PUDP: variants seen among roughly 807,000 people sequenced by gnomAD.
The protein encoded by PUDP is pseudouridine-5'-phosphatase.
In PUDP, 8 loss-of-function variants were observed where a neutral mutation model predicts 9.4. That is an observed-to-expected ratio of 0.85 (90% CI 0.50 to 1.53). The LOEUF (loss-of-function observed/expected upper bound fraction) is 1.53, where lower values mean the gene tolerates loss of function less well. PUDP is among the 40% of genes most tolerant of loss of function. The pLI, the probability that PUDP is intolerant of heterozygous loss-of-function variation, is 0.00. For missense variants in PUDP, 188 were observed against 189.7 expected (o/e 0.99, Z 0.05); for synonymous variants, 99 against 80.7 (o/e 1.23, Z -1.22).
chrX:6,771,365 C>A (rs139670041), intron 3 of PUDP, among the ~76,000 whole-genome samples: 1,219 of 112,264 alleles, frequency 0.011, 13 homozygotes, highest in African/African-American at 0.035. Context: ...AACACCACTG[C>A]CCTTAGGAAG....
chrX:6,871,881 A>C (rs1927180198), intron 3 of PUDP, among the ~76,000 whole-genome samples: 1 of 111,745 alleles, frequency 8.9e-6, no homozygotes, highest in African/African-American at 3.3e-5. Flanking sequence ...CCATGAACTG[A>C]TAGCTTTTTA....
At chrX:6,966,739 G>C (rs1302479194) in intron 3 of PUDP, among the ~76,000 whole-genome samples, 2 of 110,570 alleles carry the variant, frequency 1.8e-5, no homozygotes, top group Non-Finnish European at 3.8e-5. Flanking sequence ...TGTGAAGATA[G>C]GGTCTTGCTA....
Position 7,027,305 on chromosome X carries a change from T to C in PUDP, c.205-48962A>G, listed in dbSNP as rs1929724723. On this transcript the variant is annotated intron_variant and NMD_transcript_variant, in intron 1 of 3. Transcript: ENST00000655425. Reference sequence around the variant, plus strand: ...CACTGAAAACTTCCACCTGCAGAAGTTGGCTCAAGTGCTGCCTGCTAACAA... The same window carrying C: ...CACTGAAAACTTCCACCTGCAGAAGCTGGCTCAAGTGCTGCCTGCTAACAA... 3.6e-5 allele frequency among the ~76,000 whole-genome samples: 4 copies of C among 110,946 alleles called. No homozygotes were observed. The South Asian group carries it at 1.1e-3, about 31-fold the overall frequency.
intron 3 of PUDP, among the ~76,000 whole-genome samples, chrX:6,855,871 C>G (rs1364439325): frequency 9.0e-6 from 1 of 111,427 alleles, no homozygotes; most frequent in Non-Finnish European, 1.9e-5. Flanking sequence ...CTTCAACAAC[C>G]CTCTCCCTGG....
At chrX:6,850,655 C>G (rs1008403958) in intron 3 of PUDP, among the ~76,000 whole-genome samples, 2 of 112,631 alleles carry the variant, frequency 1.8e-5, no homozygotes, top group Admixed American at 1.9e-4. Flanking sequence ...CAGCCTAATA[C>G]TTTGGAGTCT....
chrX:6,948,372 C>A (rs759768189), intron 3 of PUDP, among the ~76,000 whole-genome samples: 3 of 112,006 alleles, frequency 2.7e-5, no homozygotes, highest in South Asian at 7.5e-4. Flanking sequence ...GCCCTTCCAG[C>A]CCCTCAGTCA....
chrX:7,080,846 G>A (rs1931061468), intron 2 of PUDP, among the ~76,000 whole-genome samples: 1 of 106,760 alleles, frequency 9.4e-6, no homozygotes, highest in Admixed American at 1.0e-4. Context: ...TTGAACCTAG[G>A]AAGTGGAGGT....
intron 3 of PUDP, among the ~76,000 whole-genome samples, chrX:6,909,929 C>G (rs963209242): frequency 1.8e-5 from 2 of 112,464 alleles, no homozygotes; most frequent in African/African-American, 3.2e-5. Flanking sequence ...TCTCACTCCT[C>G]TTCTGTGGAA....
intron 1 of PUDP, among the ~76,000 whole-genome samples, chrX:6,717,388 G>C (rs1924612195): frequency 9.0e-6 from 1 of 111,211 alleles, no homozygotes; most frequent in African/African-American, 3.3e-5. Context: ...TGCTGCTCTG[G>C]GTTGGAACAA....
intron 3 of PUDP, among the ~76,000 whole-genome samples, chrX:6,889,144 G>A (rs754931210): frequency 8.9e-6 from 1 of 112,004 alleles, no homozygotes; most frequent in Non-Finnish European, 1.9e-5. Context: ...GCTGGATGTA[G>A]ACGTGACTCT....
intron 1 of PUDP, among the ~76,000 whole-genome samples, chrX:7,031,917 T>C (rs1166900987): frequency 2.7e-5 from 3 of 112,046 alleles, no homozygotes; most frequent in East Asian, 2.8e-4. Flanking sequence ...AAATCATAAA[T>C]TGTGCTTCAT....
chrX:7,128,161 C>T (rs1185415677), intron 1 of PUDP, among the ~76,000 whole-genome samples: 1 of 110,950 alleles, frequency 9.0e-6, no homozygotes, highest in Non-Finnish European at 1.9e-5. Context: ...CATGCCTCAG[C>T]CTCCCGAGTA....
At chrX:6,998,175 C>A (rs769339124) in intron 1 of PUDP, among the ~76,000 whole-genome samples, 3 of 111,296 alleles carry the variant, frequency 2.7e-5, no homozygotes, top group Non-Finnish European at 5.7e-5. Flanking sequence ...CTCCTGTTGG[C>A]CATTTTAGCT....
chrX:7,048,524 A>G (rs1038076268), downstream of PUDP, among the ~76,000 whole-genome samples: 1 of 112,518 alleles, frequency 8.9e-6, no homozygotes, highest in Non-Finnish European at 1.9e-5. Flanking sequence ...GTCTAAAAAT[A>G]TAAGAATCTG....
At chrX:7,030,280 CAA>C (rs1929775046) in intron 1 of PUDP, among the ~76,000 whole-genome samples, 1 of 110,677 alleles carries the variant, frequency 9.0e-6, no homozygotes, top group African/African-American at 3.3e-5. Flanking sequence ...AGAATAATGA[CAA>C]GAGAAAACTA....
chrX:7,073,821 T>C (rs1456917434), intron 3 of PUDP, among the ~76,000 whole-genome samples: 1 of 113,245 alleles, frequency 8.8e-6, no homozygotes, highest in African/African-American at 3.2e-5. Context: ...AGATTAATAA[T>C]AAGGAAAATG....
intron 1 of PUDP, among the ~76,000 whole-genome samples, chrX:7,012,796 C>A (rs772646865): frequency 7.2e-5 from 8 of 111,365 alleles, no homozygotes; most frequent in Non-Finnish European, 1.3e-4. Context: ...AGTTATTCTA[C>A]AGGAGTCCTG....
intron 3 of PUDP, among the ~76,000 whole-genome samples, chrX:6,889,966 C>T (rs1182389811): frequency 9.0e-6 from 1 of 111,474 alleles, no homozygotes; most frequent in Non-Finnish European, 1.9e-5. Context: ...CTAAGCAGTA[C>T]AGGAGGTAGC....
intron 3 of PUDP, among the ~76,000 whole-genome samples, chrX:6,875,770 C>T (rs1471902424): frequency 4.5e-5 from 5 of 112,008 alleles, no homozygotes; most frequent in East Asian, 5.7e-4. Flanking sequence ...GTCCAGGAAA[C>T]GGCATTGTTG....
Sources: allele counts gnomAD v4.1 joint callset (sites outside exome capture counted in the v4.1 genomes callset), GRCh38; gene constraint gnomAD v4.1.1; transcripts MANE v1.5; gene names NCBI Gene and HGNC (gene_info 2026-07-23, HGNC 2026-07-21).